Variants in OSBPL8 observed in about 807,000 individuals in gnomAD.
OSBPL8 encodes oxysterol-binding protein-related protein 8.
A neutral mutation model predicts 125.5 loss-of-function variants in OSBPL8; 59 were observed. The observed-to-expected ratio is 0.47, with a 90% CI of 0.38 to 0.58. The LOEUF (loss-of-function observed/expected upper bound fraction) is 0.58, where lower values mean the gene tolerates loss of function less well. Ranked by LOEUF, OSBPL8 falls within the 20% of genes least tolerant of loss-of-function variation. The pLI is 0.00. For missense variants in OSBPL8, 758 were observed against 1,047.8 expected (o/e 0.72, Z 3.82); for synonymous variants, 330 against 338.9 (o/e 0.97, Z 0.29).
At chr12:76,424,215 G>C (rs1008444094) in intron 4 of OSBPL8, among the ~76,000 whole-genome samples, 1 of 152,048 alleles carries the variant, frequency 6.6e-6, no homozygotes. Flanking sequence ...TGGGCAGACT[G>C]GTCTCAAACT....
intron 1 of OSBPL8, among the ~76,000 whole-genome samples, chr12:76,526,468 T>G (rs914232482): frequency 1.3e-5 from 2 of 151,688 alleles, no homozygotes; most frequent in African/African-American, 4.9e-5. Context: ...TAGTATACAG[T>G]TACTTAATTT....
At chr12:76,378,786 A>G (rs1592558931) in intron 15 of OSBPL8, among the ~76,000 whole-genome samples, 1 of 150,422 alleles carries the variant, frequency 6.6e-6, no homozygotes, top group African/African-American at 2.4e-5. Flanking sequence ...TTTTTTTTTG[A>G]GATGGAGTCT....
intron 4 of OSBPL8, among the ~76,000 whole-genome samples, chr12:76,424,387 C>T (rs995134846): frequency 6.6e-6 from 1 of 152,146 alleles, no homozygotes; most frequent in African/African-American, 2.4e-5. Flanking sequence ...ACCACTAATA[C>T]CCATAACTGC....
intron 15 of OSBPL8, among the ~76,000 whole-genome samples, chr12:76,381,183 G>A (rs1001760541): frequency 2.0e-5 from 3 of 151,980 alleles, no homozygotes; most frequent in Non-Finnish European, 4.4e-5. Context: ...ACATGTATAA[G>A]GATATTAGAT....
At chr12:76,470,371 C>T (rs984682567) in intron 2 of OSBPL8, among the ~76,000 whole-genome samples, 11 of 152,156 alleles carry the variant, frequency 7.2e-5, no homozygotes, top group Admixed American at 2.6e-4. Context: ...ATAGCACAAC[C>T]GAAACCATAT....
chr12:76,359,923 T>C (rs569103854), intron 21 of OSBPL8, among the ~76,000 whole-genome samples: 29 of 152,264 alleles, frequency 1.9e-4, no homozygotes, highest in Admixed American at 1.4e-3. Flanking sequence ...ACGTGGGAAT[T>C]ATGGGAGTAC....
intron 1 of OSBPL8, among the ~76,000 whole-genome samples, chr12:76,552,413 G>A (rs372596655): frequency 2.0e-4 from 23 of 114,496 alleles, no homozygotes; most frequent in Admixed American, 1.3e-3. Flanking sequence ...GCAACAGAGC[G>A]ATACCCCATG....
At chr12:76,454,029 G>C (rs1873725746) in intron 3 of OSBPL8, among the ~76,000 whole-genome samples, 1 of 152,096 alleles carries the variant, frequency 6.6e-6, no homozygotes, top group Non-Finnish European at 1.5e-5. Context: ...AAAAATTAAT[G>C]TCTGATAATA....
At chr12:76,473,324 C>T (rs866513989) in intron 2 of OSBPL8, among the ~76,000 whole-genome samples, 4 of 152,220 alleles carry the variant, frequency 2.6e-5, no homozygotes, top group Middle Eastern at 6.8e-3. Context: ...TATACTGGAA[C>T]AGCTTGTGCC....
At chr12:76,415,954 T>C (rs1187887906) in intron 4 of OSBPL8, among the ~76,000 whole-genome samples, 1 of 152,088 alleles carries the variant, frequency 6.6e-6, no homozygotes, top group Non-Finnish European at 1.5e-5. Flanking sequence ...TCTTTTTTTC[T>C]TTTTGGAGAT....
At chr12:76,524,587 T>C (rs1312187941) in intron 1 of OSBPL8, among the ~76,000 whole-genome samples, 2 of 151,726 alleles carry the variant, frequency 1.3e-5, no homozygotes, top group African/African-American at 4.8e-5. Flanking sequence ...ACACACTTCC[T>C]GATACAAAGT....
At chr12:76,521,779 G>A (rs968952368) in intron 1 of OSBPL8, among the ~76,000 whole-genome samples, 9 of 152,262 alleles carry the variant, frequency 5.9e-5, no homozygotes, top group South Asian at 2.1e-4. Context: ...AATGATGATC[G>A]CCAGGGGACA....
chr12:76,497,133 T>A (rs893583967), intron 1 of OSBPL8, among the ~76,000 whole-genome samples: 5 of 152,290 alleles, frequency 3.3e-5, no homozygotes, highest in Middle Eastern at 3.4e-3. Flanking sequence ...TTTATCAAAA[T>A]TTTTTTAACT....
At chr12:76,556,872 G>T (rs538554841) in intron 1 of OSBPL8, among the ~76,000 whole-genome samples, 7 of 152,170 alleles carry the variant, frequency 4.6e-5, no homozygotes, top group African/African-American at 1.4e-4. Context: ...CACCATGTTG[G>T]CCAGGCGGGT....
At chr12:76,526,987 A>G (rs190771205) in intron 1 of OSBPL8, among the ~76,000 whole-genome samples, 128 of 152,164 alleles carry the variant, frequency 8.4e-4, no homozygotes, top group African/African-American at 2.1e-3. Context: ...TCTATTGAGA[A>G]CTAAGTGTGA....
At chr12:76,392,445 G>C (rs544109954) in intron 10 of OSBPL8, 136 bp downstream of exon 10, 1 of 681,238 alleles carries the variant, frequency 1.5e-6, no homozygotes, top group Non-Finnish European at 2.3e-6. Context: ...ATTTTAAGCC[G>C]GTTCCTAGGC....
chr12:76,399,307 G>GATTC (rs1953954169), intron 7 of OSBPL8, among the ~76,000 whole-genome samples: 1 of 151,968 alleles, frequency 6.6e-6, no homozygotes, highest in Non-Finnish European at 1.5e-5. Context: ...TTAAACTCAG[G>GATTC]ATTCCTACAG....
rs1870998860 is a variant in OSBPL8, at chr12:76,432,795, T to G, written c.217+18056A>C. 1.3e-5 allele frequency among the ~76,000 whole-genome samples: 2 copies of G among 151,888 alleles called. 1 individual carries two copies. The highest frequency in any genetic ancestry group is 4.1e-4 in the South Asian group (2 of 4,824). ...TTAGCTAGACTAAGAAAAAAGAAGA[T>G]TCACATAAAATCAGAAAAAATAGAT... On this transcript the variant is annotated intron_variant, in intron 4 of 23. Transcript: ENST00000261183.
At chr12:76,358,551 C>CA (rs2136127873) in intron 22 of OSBPL8, among the ~76,000 whole-genome samples, 155 bp downstream of exon 22, 1 of 152,214 alleles carries the variant, frequency 6.6e-6, no homozygotes, top group Non-Finnish European at 1.5e-5. Flanking sequence ...GTCCTGGTCT[C>CA]ACAACTTATC....
Sources: allele counts gnomAD v4.1 joint callset (sites outside exome capture counted in the v4.1 genomes callset), GRCh38; gene constraint gnomAD v4.1.1; transcripts MANE v1.5; gene names NCBI Gene and HGNC (gene_info 2026-07-23, HGNC 2026-07-21).